Variants in SCN11A observed in about 807,000 individuals in gnomAD.
SCN11A encodes the protein sodium voltage-gated channel alpha subunit 11, also known as sodium channel protein type 11 subunit alpha.
In SCN11A, 122 loss-of-function variants were observed where a neutral mutation model predicts 162.2. That is an observed-to-expected ratio of 0.75 (90% confidence interval 0.65 to 0.87). The LOEUF is 0.87. SCN11A is among the 40% of genes least tolerant of loss of function. The probability of loss-of-function intolerance (pLI) is 0.00; values close to 1 mark genes in which losing one functional copy is unlikely to be tolerated. For synonymous variants in SCN11A, 758 were observed against 751.5 expected, an observed-to-expected ratio of 1.01 and a Z score of -0.14; for missense variants, 2,015 against 2,181.6, an observed-to-expected ratio of 0.92 and a Z score of 1.52.
intron 19 of SCN11A, among the ~76,000 whole-genome samples, chr3:38,892,887 T>C (rs1203135726): frequency 1.3e-5 from 2 of 152,026 alleles, no homozygotes. Context: ...AAAACTAAAG[T>C]TATTAAAATG....
At chr3:39,020,554 G>C (rs1160513136) in intron 2 of SCN11A, among the ~76,000 whole-genome samples, 3 of 152,248 alleles carry the variant, frequency 2.0e-5, no homozygotes, top group African/African-American at 7.2e-5. Context: ...ACAAACCCCA[G>C]CTTTCCTGTC....
intron 1 of SCN11A, among the ~76,000 whole-genome samples, chr3:39,037,939 T>C (rs868796261): frequency 4.7e-4 from 71 of 152,298 alleles, no homozygotes; most frequent in African/African-American, 1.7e-3. Flanking sequence ...AAACCAATCT[T>C]TTCATAAAGA....
chr3:38,962,402 A>T (rs956073306), intron 2 of SCN11A, among the ~76,000 whole-genome samples: 3 of 152,176 alleles, frequency 2.0e-5, no homozygotes, highest in African/African-American at 7.2e-5. Context: ...AATTCTGTGA[A>T]GAATGATGGT....
intron 9 of SCN11A, among the ~76,000 whole-genome samples, chr3:38,924,824 T>C (rs77618199): frequency 0.055 from 8,362 of 152,088 alleles, 766 homozygotes; most frequent in African/African-American, 0.19. Context: ...TTCACTTCTA[T>C]GATCCCACCT....
At chr3:38,926,056 G>A (rs1396480975) in intron 8 of SCN11A, among the ~76,000 whole-genome samples, 1 of 152,210 alleles carries the variant, frequency 6.6e-6, no homozygotes, top group East Asian at 1.9e-4. Context: ...TATGCAAAGT[G>A]CTTAACATAA....
chr3:38,865,067 T>C (rs945605127), intron 27 of SCN11A, among the ~76,000 whole-genome samples: 1 of 152,158 alleles, frequency 6.6e-6, no homozygotes, highest in African/African-American at 2.4e-5. Flanking sequence ...TCAAATGATG[T>C]GATGTCTGTG....
intron 7 of SCN11A, among the ~76,000 whole-genome samples, chr3:38,938,551 T>TATATATATATA (rs1491267271): frequency 2.7e-4 from 3 of 11,134 alleles, no homozygotes; most frequent in Non-Finnish European, 4.5e-4. Flanking sequence ...TATATATATA[T>TATATATATATA]TTTTTTTTTT....
At chr3:38,851,178 C>T (rs1177986596) in intron 28 of SCN11A, among the ~76,000 whole-genome samples, 4 of 152,178 alleles carry the variant, frequency 2.6e-5, no homozygotes, top group African/African-American at 9.7e-5. Flanking sequence ...TACCTGCTCA[C>T]ATAAGTATGT....
chr3:38,886,932 T>G (rs2065410120), intron 19 of SCN11A, among the ~76,000 whole-genome samples: 1 of 152,166 alleles, frequency 6.6e-6, no homozygotes, highest in Non-Finnish European at 1.5e-5. Flanking sequence ...CTTCTTTTCC[T>G]CTTCCTCTTT....
chr3:38,966,657 G>A (rs1355789544), intron 2 of SCN11A, among the ~76,000 whole-genome samples: 1 of 152,096 alleles, frequency 6.6e-6, no homozygotes, highest in African/African-American at 2.4e-5. Flanking sequence ...ATACATTGTT[G>A]TTAACTACAG....
chr3:38,886,618 C>T (rs2065405273), intron 19 of SCN11A, among the ~76,000 whole-genome samples: 1 of 151,960 alleles, frequency 6.6e-6, no homozygotes, highest in Non-Finnish European at 1.5e-5. Context: ...AAATGGTACA[C>T]AATGCCATAA....
At chr3:39,035,775 G>T (rs2031890182) in intron 1 of SCN11A, among the ~76,000 whole-genome samples, 1 of 152,048 alleles carries the variant, frequency 6.6e-6, no homozygotes, top group Admixed American at 6.6e-5. Flanking sequence ...GAGTAGCTGG[G>T]ACTACAGGCA....
At chr3:38,987,297 T>TCA (rs1395412357) in intron 2 of SCN11A, among the ~76,000 whole-genome samples, 1,181 of 116,944 alleles carry the variant, frequency 0.01, 10 homozygotes, top group Middle Eastern at 0.017. Context: ...TCTCTCTCTC[T>TCA]CTCTCTCACA....
chr3:39,051,126 T>C (rs1387014903), intron 1 of SCN11A, among the ~76,000 whole-genome samples: 3 of 152,086 alleles, frequency 2.0e-5, no homozygotes, highest in Non-Finnish European at 4.4e-5. Context: ...TCTTGTTTTT[T>C]TTTTTTAAAC....
chr3:39,006,842 G>A (rs1449976842), intron 2 of SCN11A, among the ~76,000 whole-genome samples: 1 of 151,760 alleles, frequency 6.6e-6, no homozygotes, highest in African/African-American at 2.4e-5. Context: ...AAACAAACAG[G>A]AGCATTCAGA....
intron 1 of SCN11A, among the ~76,000 whole-genome samples, chr3:39,041,949 AAT>A (rs1370194377): frequency 6.6e-6 from 1 of 152,192 alleles, no homozygotes; most frequent in African/African-American, 2.4e-5. Flanking sequence ...CCAATTAAAC[AAT>A]ATAGACTGGC....
chr3:38,885,216 C>T, intron 21 of SCN11A, 72 bp downstream of exon 21: 1 of 874,154 alleles, frequency 1.1e-6, no homozygotes, highest in South Asian at 1.4e-5. Flanking sequence ...ACTAAAACCA[C>T]AGAGCTTCAA....
At chr3:38,982,734 C>T (rs1391271475) in intron 2 of SCN11A, among the ~76,000 whole-genome samples, 1 of 152,008 alleles carries the variant, frequency 6.6e-6, no homozygotes, top group Non-Finnish European at 1.5e-5. Context: ...GGTGATGGCT[C>T]AAGGATGGGG....
At chr3:38,904,192 C>T (rs930634169) in intron 15 of SCN11A, 89 bp from the exon 16 acceptor site, 1 of 748,330 alleles carries the variant, frequency 1.3e-6, no homozygotes, top group Admixed American at 2.9e-5. Flanking sequence ...TCCCTCTTCC[C>T]CAGGGCCTCC....
Sources: gnomAD v4.1 joint callset for allele counts (sites outside exome capture counted in the v4.1 genomes callset) on GRCh38, gnomAD v4.1.1 for gene constraint, MANE v1.5 for transcripts, NCBI Gene and HGNC (gene_info 2026-07-23, HGNC 2026-07-21) for gene names.